CDH18: variants seen among roughly 807,000 people sequenced by gnomAD.
The protein encoded by CDH18 is cadherin-18.
Under a neutral mutation model 67.9 loss-of-function variants are expected in CDH18, and 31 were observed. That is an observed-to-expected ratio of 0.46 (90% confidence interval 0.34 to 0.62). CDH18 has a LOEUF of 0.62. CDH18 is among the 20% of genes least tolerant of loss of function. The probability of loss-of-function intolerance (pLI) is 0.01; values close to 1 mark genes in which losing one functional copy is unlikely to be tolerated. For synonymous variants in CDH18, 362 were observed against 347.2 expected, an observed-to-expected ratio of 1.04 and a Z score of -0.48; for missense variants, 890 against 975.5, an observed-to-expected ratio of 0.91 and a Z score of 1.17.
At chr5:20,246,650 C>T (rs896628802) in intron 2 of CDH18, among the ~76,000 whole-genome samples, 20 of 152,128 alleles carry the variant, frequency 1.3e-4, no homozygotes, top group Non-Finnish European at 2.2e-4. Flanking sequence ...ATCACCTCAA[C>T]CATGATGCAT....
intron 2 of CDH18, among the ~76,000 whole-genome samples, chr5:20,082,577 C>G (rs185916645): frequency 6.6e-6 from 1 of 152,012 alleles, no homozygotes; most frequent in Admixed American, 6.6e-5. Context: ...GTTATGTTTC[C>G]TTCCTATTAT....
chr5:19,895,488 G>A (rs971257663), intron 2 of CDH18, among the ~76,000 whole-genome samples: 2 of 152,072 alleles, frequency 1.3e-5, no homozygotes, highest in Non-Finnish European at 2.9e-5. Flanking sequence ...AGTTCCAAAC[G>A]ACCCAGCAAT....
intron 3 of CDH18, among the ~76,000 whole-genome samples, chr5:19,751,903 C>T (rs1162905090): frequency 6.6e-6 from 1 of 151,976 alleles, no homozygotes; most frequent in African/African-American, 2.4e-5. Flanking sequence ...TTAATTTTGC[C>T]CCAGAATGAC....
chr5:20,111,475 TG>T (rs1282377526), intron 2 of CDH18, among the ~76,000 whole-genome samples: 1 of 151,250 alleles, frequency 6.6e-6, no homozygotes, highest in Admixed American at 6.6e-5. Context: ...GCCAAACCAA[TG>T]AGAACAGAAG....
At chr5:19,663,965 AT>A (rs1256766976) in intron 5 of CDH18, among the ~76,000 whole-genome samples, 9 of 151,996 alleles carry the variant, frequency 5.9e-5, no homozygotes, top group African/African-American at 2.2e-4. Context: ...AATAGAAAAA[AT>A]ATTTTATAAG....
intron 1 of CDH18, among the ~76,000 whole-genome samples, chr5:20,370,121 A>G (rs1742856596): frequency 6.6e-6 from 1 of 152,112 alleles, no homozygotes; most frequent in South Asian, 2.1e-4. Context: ...AGAGATAAAA[A>G]TTTTATTTTC....
At chr5:19,758,515 A>G (rs887455244) in intron 3 of CDH18, among the ~76,000 whole-genome samples, 1 of 152,214 alleles carries the variant, frequency 6.6e-6, no homozygotes, top group Non-Finnish European at 1.5e-5. Context: ...GCTTGCACAG[A>G]AGCCTGGATC....
intron 2 of CDH18, among the ~76,000 whole-genome samples, chr5:20,136,596 T>G (rs1316657219): frequency 6.6e-6 from 1 of 152,274 alleles, no homozygotes; most frequent in East Asian, 1.9e-4. Flanking sequence ...ACATTTAAGG[T>G]TAATACTGTT....
rs200690152 is a variant in CDH18 at position 20,451,297 on chromosome 5, G to A, written c.-580+124165C>T. ...TGTTGAATGAATACATATTTGTGAG[G>A]TCTTTTCAGATGTTGCTAAGAGTTT... On this transcript the variant is annotated intron_variant, in intron 1 of 14. Transcript: ENST00000507958. Among the ~76,000 whole-genome samples the A allele has an allele frequency of 3.9e-5, 6 of 152,220 alleles. No individual in the cohort carries two copies. In the East Asian group the frequency reaches 1.2e-3, roughly 29 times the overall value.
At chr5:19,520,236 C>T (rs1445297402) in intron 10 of CDH18, among the ~76,000 whole-genome samples, 2 of 152,094 alleles carry the variant, frequency 1.3e-5, no homozygotes, top group East Asian at 1.9e-4. Flanking sequence ...ATTGAATCAT[C>T]GTTTAGCATC....
At chr5:19,808,896 A>G (rs1343178060) in intron 3 of CDH18, among the ~76,000 whole-genome samples, 1 of 151,802 alleles carries the variant, frequency 6.6e-6, no homozygotes, top group Non-Finnish European at 1.5e-5. Flanking sequence ...AGTTATAAAG[A>G]AAAACAATTT....
intron 1 of CDH18, among the ~76,000 whole-genome samples, chr5:20,502,592 C>A (rs968114531): frequency 6.6e-6 from 1 of 151,984 alleles, no homozygotes; most frequent in Non-Finnish European, 1.5e-5. Context: ...TGTAGATTAA[C>A]CCTGTTCTGT....
chr5:19,805,999 C>A (rs1015332357), intron 3 of CDH18, among the ~76,000 whole-genome samples: 6 of 152,154 alleles, frequency 3.9e-5, no homozygotes, highest in African/African-American at 1.2e-4. Flanking sequence ...CATCCACGTT[C>A]TCTGGCATTA....
chr5:19,994,740 G>T (rs7729347), intron 2 of CDH18, among the ~76,000 whole-genome samples: 473 of 8,312 alleles, frequency 0.057, 7 homozygotes, highest in African/African-American at 0.1. Flanking sequence ...TATATATATA[G>T]AGAGAGAGAG....
rs527423656 is a variant in CDH18, at chr5:19,817,833, A to G, written c.228+20926T>C. The stretch of plus-strand genomic sequence containing the variant: ...GAATGGTCAATACTGAATATTTTTG[A>G]ATTTGTGAGTCCTACTCCCTCTGTT... On this transcript the variant is annotated intron_variant, in intron 3 of 12. Transcript: ENST00000382275. Among the ~76,000 whole-genome samples, 9 of 152,230 alleles carry G rather than the reference A, an allele frequency of 5.9e-5. No homozygotes were observed. In the East Asian group the frequency reaches 1.7e-3, roughly 29 times the overall value.
intron 1 of CDH18, among the ~76,000 whole-genome samples, chr5:20,433,886 G>C (rs895489740): frequency 6.6e-6 from 1 of 152,048 alleles, no homozygotes; most frequent in Admixed American, 6.6e-5. Flanking sequence ...GAGTAGAAAC[G>C]TGTATACTCT....
At chr5:20,460,683 G>A (rs1561025629) in intron 1 of CDH18, among the ~76,000 whole-genome samples, 2 of 152,110 alleles carry the variant, frequency 1.3e-5, no homozygotes, top group Non-Finnish European at 2.9e-5. Flanking sequence ...AGGAAAGAGA[G>A]ATAGAATTCT....
chr5:20,265,573 G>A (rs1729416565), intron 1 of CDH18, among the ~76,000 whole-genome samples: 1 of 151,822 alleles, frequency 6.6e-6, no homozygotes, highest in South Asian at 2.1e-4. Flanking sequence ...AAGACTGAAG[G>A]AGTATCAAAA....
At chr5:20,121,902 G>A (rs1171113976) in intron 2 of CDH18, among the ~76,000 whole-genome samples, 1 of 152,132 alleles carries the variant, frequency 6.6e-6, no homozygotes, top group Non-Finnish European at 1.5e-5. Context: ...AAAATGTTTT[G>A]TTAAGGTCAC....
Sources: allele counts gnomAD v4.1 joint callset (sites outside exome capture counted in the v4.1 genomes callset), GRCh38; gene constraint gnomAD v4.1.1; transcripts MANE v1.5; gene names NCBI Gene and HGNC (gene_info 2026-07-23, HGNC 2026-07-21).